CDK6: variants seen among roughly 807,000 people sequenced by gnomAD.
CDK6 encodes cyclin-dependent kinase 6.
CDK6 carries 6 observed loss-of-function variants against 37.1 expected under a neutral mutation model. That is an observed-to-expected ratio of 0.16 (90% confidence interval 0.09 to 0.32). The LOEUF (loss-of-function observed/expected upper bound fraction) is 0.32. CDK6 is among the 10% of genes least tolerant of loss of function. The pLI is 1.00. For missense variants in CDK6, 224 were observed against 418.9 expected, an observed-to-expected ratio of 0.53 and a Z score of 4.06; for synonymous variants, 160 against 161.3, an observed-to-expected ratio of 0.99 and a Z score of 0.06.
Position 92,773,576 on chromosome 7 carries a change from C to T in CDK6, c.369+1120G>A, listed in dbSNP as rs946614717. Among the ~76,000 whole-genome samples the T allele has an allele frequency of 6.6e-5, 10 of 152,130 alleles. No homozygotes were observed. In the South Asian group the frequency reaches 2.1e-3, roughly 32 times the overall value. On this transcript the variant is annotated intron_variant, in intron 3 of 7. Coordinates refer to ENST00000424848, the MANE Select transcript of CDK6 (RefSeq NM_001145306.2). Reference sequence around the variant, plus strand: ...AGAGGGGTGCACAGACAGAAGATGGCCAAGAACAGGTAACTATCAGGCATA... The same window carrying T: ...AGAGGGGTGCACAGACAGAAGATGGTCAAGAACAGGTAACTATCAGGCATA...
chr7:92,646,662 TGCTAGGATTACAG>T (rs1247347290), intron 5 of CDK6, among the ~76,000 whole-genome samples: 2 of 152,070 alleles, frequency 1.3e-5, no homozygotes, highest in Non-Finnish European at 2.9e-5. Context: ...CCTCCCAAAG[TGCTAGGATTACAG>T]GCATGAGCCA....
rs762101952 is a variant in CDK6 at position 92,723,058 on chromosome 7, C to T, written c.537+2568G>A. Reference sequence around the variant, plus strand: ...AAATTAGCCTGGGGTGGCCTGTAATCCCAGCTACTTGGGAGGCTGAGACAC... The same window carrying T: ...AAATTAGCCTGGGGTGGCCTGTAATTCCAGCTACTTGGGAGGCTGAGACAC... On this transcript the variant is annotated intron_variant, in intron 4 of 7. Transcript: ENST00000424848. Among the ~76,000 whole-genome samples the T allele has an allele frequency of 7.6e-4, 116 of 152,200 alleles. No homozygotes were observed. The Middle Eastern group carries it at 0.014, about 18-fold the overall frequency.
At chr7:92,682,240 A>C (rs1177750156) in intron 4 of CDK6, among the ~76,000 whole-genome samples, 1 of 152,154 alleles carries the variant, frequency 6.6e-6, no homozygotes, top group East Asian at 1.9e-4. Flanking sequence ...TTCAGGGTCA[A>C]GCTCAACTCT....
At chr7:92,670,073 A>C (rs190851763) in intron 5 of CDK6, among the ~76,000 whole-genome samples, 1 of 152,296 alleles carries the variant, frequency 6.6e-6, no homozygotes, top group East Asian at 1.9e-4. Flanking sequence ...CTTGGGAAAA[A>C]AGCAACACCA....
At chr7:92,798,950 G>A (rs1800491435) in intron 2 of CDK6, among the ~76,000 whole-genome samples, 1 of 152,148 alleles carries the variant, frequency 6.6e-6, no homozygotes. Flanking sequence ...TATTCCTCCT[G>A]AACTGTGCCT....
chr7:92,648,026 C>T (rs1031218567), intron 5 of CDK6, among the ~76,000 whole-genome samples: 2 of 152,094 alleles, frequency 1.3e-5, no homozygotes, highest in African/African-American at 2.4e-5. Context: ...AAGGTAAGGC[C>T]GACTTAACTG....
chr7:92,764,814 T>C (rs1450536471), intron 3 of CDK6, among the ~76,000 whole-genome samples: 4 of 152,166 alleles, frequency 2.6e-5, no homozygotes. Context: ...GATTGTTTAA[T>C]TTTTTCCACC....
Position 92,714,035 on chromosome 7 carries a change from G to A in CDK6, c.537+11591C>T, listed in dbSNP as rs1798163567. On this transcript the variant is annotated intron_variant, in intron 4 of 7. Transcript: ENST00000424848. Reference sequence around the variant, plus strand: ...CTCACTGAGCAGCTACCATGTGCCTGTGTGTTGTTACCTGAAGTGCTGAAA... The same window carrying A: ...CTCACTGAGCAGCTACCATGTGCCTATGTGTTGTTACCTGAAGTGCTGAAA... Among the ~76,000 whole-genome samples the A allele has an allele frequency of 2.0e-5, 3 of 152,188 alleles. No individual in the cohort carries two copies. In the South Asian group the frequency reaches 6.2e-4, roughly 32 times the overall value.
chr7:92,616,645 A>G (rs759093230), intron 7 of CDK6, among the ~76,000 whole-genome samples: 1 of 152,060 alleles, frequency 6.6e-6, no homozygotes, highest in South Asian at 2.1e-4. Context: ...CCAGAGCCCA[A>G]GAAGGAGAAA....
intron 5 of CDK6, among the ~76,000 whole-genome samples, chr7:92,657,839 T>C (rs1334329022): frequency 6.6e-6 from 1 of 152,182 alleles, no homozygotes; most frequent in African/African-American, 2.4e-5. Flanking sequence ...CTTCAGCCTC[T>C]GAGTAGCTGG....
chr7:92,624,536 AGCTTTT>A (rs1203538616), intron 5 of CDK6, among the ~76,000 whole-genome samples: 2 of 152,156 alleles, frequency 1.3e-5, no homozygotes, highest in Non-Finnish European at 2.9e-5. Context: ...TGAGAAAATA[AGCTTTT>A]GTTGGTTAAG....
At chr7:92,729,112 T>A (rs1798582480) in intron 3 of CDK6, among the ~76,000 whole-genome samples, 1 of 152,030 alleles carries the variant, frequency 6.6e-6, no homozygotes, top group Non-Finnish European at 1.5e-5. Context: ...TTAAATGAGG[T>A]AAGAAAAAAA....
intron 3 of CDK6, among the ~76,000 whole-genome samples, chr7:92,764,188 C>T (rs373733630): frequency 6.0e-4 from 90 of 150,064 alleles, no homozygotes; most frequent in African/African-American, 2.0e-3. Context: ...ACCCAGGCTG[C>T]TGTGCAGGGG....
rs572092424 is a variant in CDK6, at chr7:92,657,783, A to C, written c.647+13643T>G. Among the ~76,000 whole-genome samples, 66 of 152,334 alleles carry C rather than the reference A, an allele frequency of 4.3e-4. No individual in the cohort carries two copies. In the East Asian group the frequency reaches 4.6e-3, roughly 11 times the overall value. ...TAGCCTGGAATGCAGTCGTGTAATC[A>C]TAGCTCACTGCAGTCTCCATCTCCC... On this transcript the variant is annotated intron_variant, in intron 5 of 7. Transcript: ENST00000424848.
At chr7:92,710,467 T>A (rs1403060413) in intron 4 of CDK6, among the ~76,000 whole-genome samples, 1 of 152,190 alleles carries the variant, frequency 6.6e-6, no homozygotes, top group Non-Finnish European at 1.5e-5. Context: ...CAATATTCGG[T>A]TATCGGAACC....
chr7:92,616,293 C>T (rs1177112579), intron 7 of CDK6, among the ~76,000 whole-genome samples: 4 of 152,184 alleles, frequency 2.6e-5, no homozygotes, highest in Non-Finnish European at 4.4e-5. Flanking sequence ...CAGTCCTAGT[C>T]AGGTTCCAAC....
At chr7:92,694,565 A>T (rs1231953020) in intron 4 of CDK6, among the ~76,000 whole-genome samples, 1 of 152,224 alleles carries the variant, frequency 6.6e-6, no homozygotes, top group African/African-American at 2.4e-5. Context: ...AACCTTTAAG[A>T]GTTATTTAGC....
chr7:92,774,713 G>A lies in CDK6; in HGVS notation c.352C>T (p.Pro118Ser), dbSNP rs1286562417. ...YLDKVPEPGV[P>S]TETIKDMMFQ... ...CTTGATACCTTTATGGTTTCAGTGG[G>A]CACTCCAGGCTCTGGAACTTTATCC... Residue 118 changes from proline to serine, a missense_variant, in exon 3 of 8, where the codon CCC becomes TCC. Pro to Ser is a moderately conservative substitution (Grantham distance 74). This residue lies in a region of CDK6 where 82 missense variants were observed against 202.1 expected (regional missense o/e 0.41). Coordinates refer to ENST00000424848, the MANE Select transcript of CDK6 (RefSeq NM_001145306.2). 6 of 1,606,110 alleles carry A rather than the reference G, an allele frequency of 3.7e-6. No individual in the cohort carries two copies. The highest frequency in any genetic ancestry group is 5.1e-6 in the Non-Finnish European group (6 of 1,177,268).
At chr7:92,720,924 T>C (rs1337168522) in intron 4 of CDK6, among the ~76,000 whole-genome samples, 2 of 152,162 alleles carry the variant, frequency 1.3e-5, no homozygotes, top group African/African-American at 4.8e-5. Context: ...TAACTTCACA[T>C]GTCATGATTT....
Sources: allele counts gnomAD v4.1 joint callset (sites outside exome capture counted in the v4.1 genomes callset), GRCh38; gene constraint gnomAD v4.1.1; regional missense constraint gnomAD v4.1.1; transcripts MANE v1.5; gene names NCBI Gene and HGNC (gene_info 2026-07-23, HGNC 2026-07-21).